GRID2IP: variants seen among roughly 807,000 people sequenced by gnomAD.
The protein encoded by GRID2IP is Grid2 interacting protein, also known as delphilin.
In GRID2IP, 78 loss-of-function variants were observed where a neutral mutation model predicts 114.3. That is an observed-to-expected ratio of 0.68 (90% CI 0.57 to 0.82). The LOEUF (loss-of-function observed/expected upper bound fraction) is 0.82, where lower values mean the gene tolerates loss of function less well. Among genes scored for constraint, GRID2IP ranks in the 40% least tolerant of loss-of-function variants. GRID2IP has a pLI of 0.00. For missense variants in GRID2IP, 1,727 were observed against 1,678.5 expected, an observed-to-expected ratio of 1.03 and a Z score of -0.51; for synonymous variants, 809 against 724.0, an observed-to-expected ratio of 1.12 and a Z score of -1.89.
intron 15 of GRID2IP, 54 bp from the exon 16 acceptor site, chr7:6,503,741 G>C (rs2115354587): frequency 7.4e-7 from 1 of 1,343,412 alleles, no homozygotes; most frequent in African/African-American, 1.5e-5. Flanking sequence ...GGCCGGATGG[G>C]ACCCAAGACG....
intron 15 of GRID2IP, 30 bp downstream of exon 15, chr7:6,504,763 T>C (rs777128967): frequency 8.5e-5 from 130 of 1,535,146 alleles, no homozygotes; most frequent in Non-Finnish European, 2.0e-5. Flanking sequence ...GCCTGCCCCC[T>C]ACACCCCCTG....
At chr7:6,524,633 T>C (rs1779474160) in intron 4 of GRID2IP, among the ~76,000 whole-genome samples, 1 of 151,908 alleles carries the variant, frequency 6.6e-6, no homozygotes, top group African/African-American at 2.4e-5. Flanking sequence ...GGCAGGAGGA[T>C]CCCTTAAGCC....
At position 6,520,770 on chromosome 7, in the gene GRID2IP, A is replaced by T; in HGVS notation, c.1085-9T>A. ...GTCCAGAGAATCGGAGTCTGCTGGG[A>T]CCACAGGCGGGAGAGGCATGAGTGA... On this transcript the variant is annotated splice_polypyrimidine_tract_variant and intron_variant, in intron 6 of 21. Coordinates refer to ENST00000457091, the MANE Select transcript of GRID2IP (RefSeq NM_001145118.2). The surrounding 1 kb of genome is among the most constrained non-coding windows in gnomAD (Gnocchi z 4.6). 1.3e-6 allele frequency: 2 copies of T among 1,546,870 alleles called. No homozygotes were observed. The highest frequency in any genetic ancestry group is 1.7e-6 in the Non-Finnish European group (2 of 1,143,366).
chr7:6,499,910 C>T (rs925448483), intron 20 of GRID2IP, among the ~76,000 whole-genome samples: 5 of 151,538 alleles, frequency 3.3e-5, no homozygotes, highest in Non-Finnish European at 7.4e-5. Context: ...TCAAATTATT[C>T]TGTAGAGACG....
At position 6,506,823 on chromosome 7, in the gene GRID2IP, A is replaced by G. The variant is rs952163496; in HGVS notation, c.2545-916T>C. ...CAGCCTCCCGAGTAGCTGGGACCACAGGCATGCACCACCAGGTCTGGCTAA... is the reference window on the plus strand; with the variant it reads ...CAGCCTCCCGAGTAGCTGGGACCACGGGCATGCACCACCAGGTCTGGCTAA... On this transcript the variant is annotated intron_variant, in intron 13 of 21. Coordinates refer to ENST00000457091, the MANE Select transcript of GRID2IP (RefSeq NM_001145118.2). The surrounding 1 kb of genome is among the most constrained non-coding windows in gnomAD (Gnocchi z 5.2). Among the ~76,000 whole-genome samples, 3 of 151,988 alleles carry G rather than the reference A, an allele frequency of 2.0e-5. No homozygotes were observed. The highest frequency in any genetic ancestry group is 7.3e-5 in the African/African-American group (3 of 41,374).
rs560310919 is a variant in GRID2IP at position 6,497,821 on chromosome 7, C to G, written c.3589G>C (p.Gly1197Arg). 1.7e-5 allele frequency: 27 copies of G among 1,550,180 alleles called. 1 individual carries two copies. In the South Asian group the frequency reaches 3.2e-4, roughly 18 times the overall value. Reference protein sequence around the residue: ...FERALSDLQAGEGLRSSGMVS... With the variant: ...FERALSDLQAREGLRSSGMVS... ...ATCCCGGAGCTGCGCAGGCCCTCCC[C>G]GGCCTGCAGGTCACTCAGCGCTCGC... Residue 1197 changes from glycine to arginine, a missense_variant, in exon 22 of 22, where the codon GGG (glycine) becomes CGG (arginine). By Grantham distance (125) the Gly-to-Arg change is moderately radical. Transcript: ENST00000457091.
chr7:6,520,881 G>T lies in GRID2IP; in HGVS notation c.1085-120C>A. 1.1e-6 allele frequency: 1 copy of T among 902,926 alleles called. No homozygotes were observed. Among genetic ancestry groups the T allele is most frequent in the Non-Finnish European group, 1.7e-6 (1 of 602,854 alleles). 55.9% of individuals were successfully genotyped at this position (902,926 alleles called of 1,614,324 possible). On this transcript the variant is annotated intron_variant, in intron 6 of 21. Coordinates refer to ENST00000457091, the MANE Select transcript of GRID2IP (RefSeq NM_001145118.2). The surrounding 1 kb of genome is among the most constrained non-coding windows in gnomAD (Gnocchi z 4.6). ...CTGGGGTGTGGCTGTCCAGTGCCAT[G>T]CATGGGAAGGCATGCCTGTGGCCCG...
chr7:6,539,745 G>T lies in GRID2IP; in HGVS notation c.557C>A (p.Ala186Asp), dbSNP rs2115096834. The stretch of plus-strand genomic sequence containing the variant: ...GAGGTTGTCCAGGAGTGGCCCGCAG[G>T]CCTCTCGGGGCAGCGCCAGGGTGAG... ...WTLTLALPRE[A>D]CGPLLDNLRI... Residue 186 changes from alanine (A) to aspartate (D), a missense_variant, in exon 2 of 22, where the codon GCC becomes GAC. By Grantham distance (126) the Ala-to-Asp change is moderately radical (BLOSUM62 -2). Transcript: ENST00000457091. 1 of 1,549,718 alleles carries T rather than the reference G, an allele frequency of 6.5e-7. No homozygotes were observed. The highest frequency in any genetic ancestry group is 2.4e-5 in the East Asian group (1 of 40,890).
At chr7:6,527,486 G>A (rs924736553) in intron 2 of GRID2IP, among the ~76,000 whole-genome samples, 11 of 152,202 alleles carry the variant, frequency 7.2e-5, no homozygotes, top group Non-Finnish European at 1.2e-4. Flanking sequence ...CAAAGCTAAA[G>A]GGACTGTGGC....
intron 2 of GRID2IP, among the ~76,000 whole-genome samples, chr7:6,537,555 T>G (rs995954867): frequency 3.3e-5 from 5 of 150,992 alleles, no homozygotes; most frequent in South Asian, 4.2e-4. Context: ...TTTTTTGTAT[T>G]TTTAGTAGAG....
At chr7:6,546,789 T>G (rs746132143) in intron 1 of GRID2IP, among the ~76,000 whole-genome samples, 10 of 152,080 alleles carry the variant, frequency 6.6e-5, no homozygotes, top group African/African-American at 9.7e-5. Flanking sequence ...TGCCCAGCCC[T>G]GCTCCTGGGC....
intron 1 of GRID2IP, among the ~76,000 whole-genome samples, chr7:6,544,092 T>G (rs1206220714): frequency 1.3e-5 from 2 of 151,906 alleles, no homozygotes; most frequent in African/African-American, 4.8e-5. Context: ...CCATCGTGCC[T>G]GGCCTGTCAT....
chr7:6,548,153 G>T (rs1323517343), intron 1 of GRID2IP, among the ~76,000 whole-genome samples: 4 of 152,156 alleles, frequency 2.6e-5, no homozygotes, highest in African/African-American at 9.7e-5. Flanking sequence ...AGGAGTTCAA[G>T]ACCAGCCTGG....
rs911796433 is a variant in GRID2IP at position 6,503,644 on chromosome 7, G to T, written c.2754C>A (p.Arg918=). 1.3e-6 allele frequency: 2 copies of T among 1,519,678 alleles called. No homozygotes were observed. Among genetic ancestry groups the T allele is most frequent in the Non-Finnish European group, 1.8e-6 (2 of 1,140,454 alleles). 94.1% of individuals were successfully genotyped at this position (1,519,678 alleles called of 1,614,324 possible). ...GGGGCTCCATGCTCATCAGCACCTGGCGCAGCTCCGCGGGGCTCAGCTTCA... is the reference window on the plus strand; with the variant it reads ...GGGGCTCCATGCTCATCAGCACCTGTCGCAGCTCCGCGGGGCTCAGCTTCA... ...AHLKLSPAEL[R]QVLMSMEPRR... Residue 918 remains arginine (R), a synonymous_variant, in exon 16 of 22, where the codon CGC becomes CGA. Transcript: ENST00000457091.
chr7:6,550,826 T>C (rs1168346123), intron 1 of GRID2IP, among the ~76,000 whole-genome samples, 182 bp downstream of exon 1: 5 of 149,942 alleles, frequency 3.3e-5, no homozygotes, highest in African/African-American at 9.8e-5. Flanking sequence ...AGACTCTGTC[T>C]CAAAAAAAAA....
At chr7:6,524,631 G>A (rs1024094516) in intron 4 of GRID2IP, among the ~76,000 whole-genome samples, 1 of 152,006 alleles carries the variant, frequency 6.6e-6, no homozygotes, top group African/African-American at 2.4e-5. Flanking sequence ...GAGGCAGGAG[G>A]ATCCCTTAAG....
At chr7:6,505,440 T>C (rs992754299) in intron 14 of GRID2IP, among the ~76,000 whole-genome samples, 4 of 149,704 alleles carry the variant, frequency 2.7e-5, no homozygotes, top group African/African-American at 9.9e-5. Context: ...TGATCGCGGC[T>C]CACTGCAACC....
At position 6,508,298 on chromosome 7, in the gene GRID2IP, G is replaced by T; in HGVS notation, c.2231C>A (p.Ser744Tyr). The T allele has an allele frequency of 6.5e-7, 1 of 1,549,874 alleles. No homozygotes were observed. ...SEEGSSLTYSSISDHIPPPPL... is the reference protein window; with the variant it reads ...SEEGSSLTYSYISDHIPPPPL... ...GGGTGGGGGGATGTGGTCAGAGATG[G>T]AGGAGTAGGTCAGGGAGCTGCCTTC... is the stretch of plus-strand genomic sequence containing the variant. The change falls in exon 13 of 22, where the codon TCC (serine) becomes TAC (tyrosine). Residue 744 changes from serine to tyrosine, a missense_variant. Physicochemically the swap from Ser to Tyr is moderately radical, Grantham distance 144. Transcript: ENST00000457091. This position sits in a 1 kb window ranked among gnomAD's most constrained non-coding sequence, Gnocchi z 5.6.
chr7:6,530,022 G>A (rs1489569822), intron 2 of GRID2IP, among the ~76,000 whole-genome samples: 1 of 148,976 alleles, frequency 6.7e-6, no homozygotes, highest in African/African-American at 2.5e-5. Context: ...GCAGTGGTGC[G>A]ATCTCCGCTC....
Sources: allele counts gnomAD v4.1 joint callset (sites outside exome capture counted in the v4.1 genomes callset), GRCh38; gene constraint gnomAD v4.1.1; non-coding constraint Gnocchi (gnomAD v3.1); transcripts MANE v1.5; gene names NCBI Gene and HGNC (gene_info 2026-07-23, HGNC 2026-07-21).